Variants in BRWD1 observed in about 807,000 individuals in gnomAD.
BRWD1 encodes the protein bromodomain and WD repeat-containing protein 1.
BRWD1 carries 82 observed loss-of-function variants against 251.2 expected under a neutral mutation model. The ratio of observed to expected loss-of-function variants is 0.33; its 90% CI spans 0.27 to 0.39. BRWD1 has a LOEUF of 0.39. BRWD1 is among the 10% of genes least tolerant of loss of function. The pLI, the probability that BRWD1 is intolerant of heterozygous loss-of-function variation, is 1.00. For missense variants in BRWD1, 2,233 were observed against 2,711.6 expected, an observed-to-expected ratio of 0.82 and a Z score of 3.92; for synonymous variants, 918 against 902.8, an observed-to-expected ratio of 1.02 and a Z score of -0.30.
Position 39,190,195 on chromosome 21 carries a change from T to G in BRWD1, c.*6064A>C, listed in dbSNP as rs2031474851. ...TTCTGACTCAACACAATCTCTAGTT[T>G]CTACATTTCAAGGATTAATCATATT... On this transcript the variant is annotated 3_prime_UTR_variant, in exon 41 of 41. Coordinates refer to ENST00000342449, the MANE Select transcript of BRWD1 (RefSeq NM_033656.4). The G allele has an allele frequency of 3.0e-6, 3 of 984,022 alleles. No individual in the cohort carries two copies. In the African/African-American group the frequency reaches 5.3e-5, roughly 17 times the overall value. The allele number at this position is 984,022 out of a possible 1,614,324, so 61.0% of individuals were successfully genotyped here.
chr21:39,213,601 T>C (rs2032757183), intron 32 of BRWD1, 48 bp from the exon 33 acceptor site: 4 of 1,254,680 alleles, frequency 3.2e-6, no homozygotes, highest in South Asian at 2.6e-5. Context: ...TAGTGACTTG[T>C]TGGCAAGGAT....
rs757674392 is a variant in BRWD1, at chr21:39,210,184, T to C, written c.4045-37A>G. 8 of 1,512,286 alleles carry C rather than the reference T, an allele frequency of 5.3e-6. No individual in the cohort carries two copies. In the Admixed American group the frequency reaches 1.4e-4, roughly 26 times the overall value. The allele number at this position is 1,512,286 out of a possible 1,614,324, so 93.7% of individuals were successfully genotyped here. The stretch of plus-strand genomic sequence containing the variant: ...ACACAATATTTAATTCATAGATTCA[T>C]TTCTTGCTTTTAGAAATGTAAATGC... On this transcript the variant is annotated intron_variant, in intron 35 of 40. Coordinates refer to ENST00000342449, the MANE Select transcript of BRWD1 (RefSeq NM_033656.4).
intron 21 of BRWD1, among the ~76,000 whole-genome samples, chr21:39,241,477 A>AGT: frequency 3.5e-5 from 1 of 28,258 alleles, no homozygotes; most frequent in Non-Finnish European, 7.9e-5. Flanking sequence ...CCAAAGTAAA[A>AGT]AAAAAAAAAA....
rs1439925698 is a variant in BRWD1, at chr21:39,196,734, G to C, written c.6335C>G (p.Thr2112Arg). 1 of 1,613,398 alleles carries C rather than the reference G, an allele frequency of 6.2e-7. No homozygotes were observed. Among genetic ancestry groups the C allele is most frequent in the African/African-American group, 1.3e-5 (1 of 74,832 alleles). ...RTYGKAPFSKTKVIHDSQETA... is the reference protein window; with the variant it reads ...RTYGKAPFSKRKVIHDSQETA... Reference sequence around the variant, plus strand: ...TTCCTGTGAATCATGAATCACTTTTGTCTTACTAAAAGGAGCCTTTCCATA... The same window carrying C: ...TTCCTGTGAATCATGAATCACTTTTCTCTTACTAAAAGGAGCCTTTCCATA... Residue 2112 changes from threonine (T) to arginine (R), a missense_variant, in exon 41 of 41, where the codon ACA becomes AGA. This residue lies in a region of BRWD1 where 928 missense variants were observed against 970.0 expected (regional missense o/e 0.96). Coordinates refer to ENST00000342449, the MANE Select transcript of BRWD1 (RefSeq NM_033656.4).
chr21:39,206,076 T>C (rs1442881413), intron 37 of BRWD1, 32 bp downstream of exon 37: 7 of 1,576,382 alleles, frequency 4.4e-6, no homozygotes, highest in Non-Finnish European at 5.2e-6. Context: ...ATTAAATAAA[T>C]AAATAAAGCA....
At chr21:39,272,645 T>C (rs1294528043) in intron 13 of BRWD1, among the ~76,000 whole-genome samples, 1 of 150,220 alleles carries the variant, frequency 6.7e-6, no homozygotes, top group Non-Finnish European at 1.5e-5. Context: ...TCTAGCTCTG[T>C]CGCCCAGGCT....
chr21:39,295,036 T>C (rs1229831956), intron 7 of BRWD1, among the ~76,000 whole-genome samples: 1 of 152,162 alleles, frequency 6.6e-6, no homozygotes, highest in Non-Finnish European at 1.5e-5. Flanking sequence ...CAGTGATTAA[T>C]GTGAACATGA....
chr21:39,238,701 A>C, intron 21 of BRWD1, 128 bp from the exon 22 acceptor site: 1 of 598,752 alleles, frequency 1.7e-6, no homozygotes, highest in Non-Finnish European at 2.9e-6. Context: ...TAATCAGTAA[A>C]TATATAATCA....
At chr21:39,244,921 A>AATATATATATACATAT (rs1555859653) in intron 21 of BRWD1, among the ~76,000 whole-genome samples, 1 of 112,524 alleles carries the variant, frequency 8.9e-6, no homozygotes, top group African/African-American at 3.0e-5. Context: ...CTTTGGAAGA[A>AATATATATATACATAT]ATATATATAT....
intron 21 of BRWD1, among the ~76,000 whole-genome samples, chr21:39,240,133 C>T (rs1295352441): frequency 6.6e-6 from 1 of 152,038 alleles, no homozygotes; most frequent in Non-Finnish European, 1.5e-5. Flanking sequence ...AATAAATGAA[C>T]GAAGCCAATC....
At chr21:39,285,997 A>G (rs1235418900) in intron 8 of BRWD1, among the ~76,000 whole-genome samples, 1 of 146,172 alleles carries the variant, frequency 6.8e-6, no homozygotes, top group Non-Finnish European at 1.5e-5. Flanking sequence ...TTCACATAAC[A>G]TAAAACTCAC....
chr21:39,255,894 C>T, intron 18 of BRWD1, 66 bp from the exon 19 acceptor site: 1 of 1,417,306 alleles, frequency 7.1e-7, no homozygotes, highest in South Asian at 1.2e-5. Context: ...TAGCATGTAA[C>T]AAGCACACGT....
intron 39 of BRWD1, among the ~76,000 whole-genome samples, chr21:39,199,987 A>C (rs1252018015): frequency 6.6e-6 from 1 of 152,202 alleles, no homozygotes; most frequent in Admixed American, 6.5e-5. Flanking sequence ...TCCTGACCTC[A>C]GGTGATCCGC....
Position 39,264,449 on chromosome 21 carries a change from AC to A in BRWD1, c.1885+10del. 1.4e-6 allele frequency: 2 copies of A among 1,409,114 alleles called. No homozygotes were observed. The highest frequency in any genetic ancestry group is 1.9e-6 in the Non-Finnish European group (2 of 1,050,050). 87.3% of individuals were successfully genotyped at this position (1,409,114 alleles called of 1,614,324 possible). On this transcript the variant is annotated intron_variant, in intron 17 of 40. Transcript: ENST00000342449. ...ACTTTAAAAAAAAAAAAAAAAAAAG[AC>A]TGCACTTACTTGTTGCCACATAGCC...
chr21:39,286,016 C>CATTTTTTTTT, intron 8 of BRWD1, among the ~76,000 whole-genome samples: 1 of 104,774 alleles, frequency 9.5e-6, no homozygotes. Flanking sequence ...ACCATATGAA[C>CATTTTTTTTT]TTTTTTTTTT....
At chr21:39,272,055 A>C (rs1334966874) in intron 13 of BRWD1, among the ~76,000 whole-genome samples, 1 of 150,800 alleles carries the variant, frequency 6.6e-6, no homozygotes, top group Non-Finnish European at 1.5e-5. Flanking sequence ...TAAAACAGCT[A>C]TCTATGTAAT....
chr21:39,186,777 A>G lies in BRWD1; in HGVS notation c.*9482T>C. 2.6e-6 allele frequency: 1 copy of G among 390,546 alleles called. No homozygotes were observed. 24.2% of individuals were successfully genotyped at this position (390,546 alleles called of 1,614,324 possible). On this transcript the variant is annotated 3_prime_UTR_variant, in exon 41 of 41. Coordinates refer to ENST00000342449, the MANE Select transcript of BRWD1 (RefSeq NM_033656.4). ...TTCTGGAAAGGAATAGTAGTCTTAT[A>G]GCAGGCCATTTGTCTTTTCTTTCCA...
At chr21:39,283,184 G>A (rs749799361) in intron 8 of BRWD1, among the ~76,000 whole-genome samples, 12 of 151,622 alleles carry the variant, frequency 7.9e-5, no homozygotes, top group African/African-American at 1.5e-4. Flanking sequence ...CTCTTCTTTC[G>A]CTGTCCGTGC....
intron 4 of BRWD1, 48 bp downstream of exon 4, chr21:39,312,793 G>C: frequency 6.7e-7 from 1 of 1,502,828 alleles, no homozygotes; most frequent in Non-Finnish European, 9.1e-7. Context: ...GGCGGGGGCG[G>C]GGGGCGGTGC....
Sources: gnomAD v4.1 joint callset for allele counts (sites outside exome capture counted in the v4.1 genomes callset) on GRCh38, gnomAD v4.1.1 for gene constraint, gnomAD v4.1.1 regional missense constraint, MANE v1.5 for transcripts, NCBI Gene and HGNC (gene_info 2026-07-23, HGNC 2026-07-21) for gene names.